ZSWIM1: variants seen among roughly 807,000 people sequenced by gnomAD.
ZSWIM1 encodes zinc finger SWIM-type containing 1, also known as zinc finger SWIM domain-containing protein 1.
ZSWIM1 carries 22 observed loss-of-function variants against 29.3 expected under a neutral mutation model. That is an observed-to-expected ratio of 0.75 (90% CI 0.54 to 1.07). The LOEUF (loss-of-function observed/expected upper bound fraction) is 1.07, where lower values mean the gene tolerates loss of function less well. Among genes scored for constraint, ZSWIM1 ranks in the 50% least tolerant of loss-of-function variants. The pLI, the probability that ZSWIM1 is intolerant of heterozygous loss-of-function variation, is 0.00. For synonymous variants in ZSWIM1, 228 were observed against 240.8 expected, an observed-to-expected ratio of 0.95 and a Z score of 0.49; for missense variants, 511 against 596.2, an observed-to-expected ratio of 0.86 and a Z score of 1.49.
Position 45,883,549 on chromosome 20 carries a change from G to A in ZSWIM1, c.957G>A (p.Glu319=), listed in dbSNP as rs1986365281. The A allele has an allele frequency of 1.9e-6, 3 of 1,614,134 alleles. No individual in the cohort carries two copies. The highest frequency in any genetic ancestry group is 1.3e-5 in the African/African-American group (1 of 74,952). Residue 319 remains glutamate, a synonymous_variant, in exon 2 of 2, where the codon GAG becomes GAA. Transcript: ENST00000372523. ...SDTIPESPKL[E]QLVESHIQHS... ...CCATCCCCGAAAGCCCCAAACTGGA[G>A]CAGCTGGTAGAATCCCACATCCAGC...
rs1986404316 is a variant in ZSWIM1, at chr20:45,884,154, TG to T, written c.*105del. 1.6e-5 allele frequency: 5 copies of T among 314,406 alleles called. No individual in the cohort carries two copies. Among genetic ancestry groups the T allele is most frequent in the Non-Finnish European group, 2.6e-5 (5 of 194,818 alleles). 19.5% of individuals were successfully genotyped at this position (314,406 alleles called of 1,614,324 possible). A position where few individuals can be genotyped will look rare whatever the true frequency, so the allele number is the denominator to read the frequency against. On this transcript the variant is annotated 3_prime_UTR_variant, in exon 2 of 2. Coordinates refer to ENST00000372523, the MANE Select transcript of ZSWIM1 (RefSeq NM_080603.5). ...CACACACACACACACTCCCTTACAC[TG>T]TTGTACTTCCGTGGGCCCTCCTTCC...
chr20:45,881,647 G>A lies in ZSWIM1; in HGVS notation c.-61+386G>A, dbSNP rs563919355. Among the ~76,000 whole-genome samples, 125 of 152,288 alleles carry A rather than the reference G, an allele frequency of 8.2e-4. 1 individual carries two copies. Among genetic ancestry groups the A allele is most frequent in the African/African-American group, 2.5e-3 (103 of 41,556 alleles). On this transcript the variant is annotated intron_variant, in intron 1 of 1. Coordinates refer to ENST00000372523, the MANE Select transcript of ZSWIM1 (RefSeq NM_080603.5). ...GGAATAGAGTATTGCTGCTAAAAGA[G>A]GGATATAGTAGAGGCAGGAGAAGCT...
At position 45,883,857 on chromosome 20, in the gene ZSWIM1, C is replaced by T; in HGVS notation, c.1265C>T (p.Ala422Val). 5 of 1,613,730 alleles carry T rather than the reference C, an allele frequency of 3.1e-6. No individual in the cohort carries two copies. The highest frequency in any genetic ancestry group is 4.2e-6 in the Non-Finnish European group (5 of 1,180,028). Residue 422 changes from alanine to valine, a missense_variant, in exon 2 of 2, where the codon GCT becomes GTT. By Grantham distance (64) the Ala-to-Val change is moderately conservative. Coordinates refer to ENST00000372523, the MANE Select transcript of ZSWIM1 (RefSeq NM_080603.5). ...CCGGCTCAGTGGACGGCAGGCTGTG[C>T]TACCAGTCTAGACAGCATCCTGGGC... ...MLPAQWTAGC[A>V]TSLDSILGSK...
At position 45,883,276 on chromosome 20, in the gene ZSWIM1, G is replaced by T; in HGVS notation, c.684G>T (p.Glu228Asp). Residue 228 changes from glutamate (E) to aspartate (D), a missense_variant, in exon 2 of 2, where the codon GAG becomes GAT. Transcript: ENST00000372523. Reference sequence around the variant, plus strand: ...GCATCCCTCCAGCCAAGCTGCCCGAGCTTCACTCACACTGGCTGCTCAACG... The same window carrying T: ...GCATCCCTCCAGCCAAGCTGCCCGATCTTCACTCACACTGGCTGCTCAACG... ...SNCIPPAKLP[E>D]LHSHWLLNDR... 1.2e-6 allele frequency: 2 copies of T among 1,613,960 alleles called. No individual in the cohort carries two copies. The highest frequency in any genetic ancestry group is 1.7e-6 in the Non-Finnish European group (2 of 1,180,052).
chr20:45,881,851 T>G (rs1341473142), intron 1 of ZSWIM1, among the ~76,000 whole-genome samples: 2 of 152,108 alleles, frequency 1.3e-5, no homozygotes, highest in Non-Finnish European at 2.9e-5. Context: ...TATTTTTATT[T>G]TATTTTATTT....
rs1986306925 is a variant in ZSWIM1 at position 45,882,713 on chromosome 20, A to G, written c.121A>G (p.Lys41Glu). The change falls in exon 2 of 2, where the codon AAG becomes GAG. Residue 41 changes from lysine (K) to glutamate (E), a missense_variant. Coordinates refer to ENST00000372523, the MANE Select transcript of ZSWIM1 (RefSeq NM_080603.5). ...GACAATGCTGAATGGGCTCCTGATTAAGGACTCAAGCCCACCTATGCTGCT... is the reference window on the plus strand; with the variant it reads ...GACAATGCTGAATGGGCTCCTGATTGAGGACTCAAGCCCACCTATGCTGCT... ...ALTMLNGLLIKDSSPPMLLHQ... is the reference protein window; with the variant it reads ...ALTMLNGLLIEDSSPPMLLHQ... 6 of 1,614,136 alleles carry G rather than the reference A, an allele frequency of 3.7e-6. No individual in the cohort carries two copies. The highest frequency in any genetic ancestry group is 4.2e-6 in the Non-Finnish European group (5 of 1,180,056).
In ZSWIM1 at chr20:45,882,914, C is replaced by T. The variant is rs145184244; in HGVS notation, c.322C>T (p.Leu108Phe). The change falls in exon 2 of 2, where the codon CTT becomes TTT. Residue 108 changes from leucine (L) to phenylalanine (F), a missense_variant. By Grantham distance (22) the Leu-to-Phe change is conservative. Transcript: ENST00000372523. ...ACCTCGGGTGCAGCTGGAGGGTCAT[C>T]TTGCCCGAGCAGTCTACTTTGCCAT... ...DGPRVQLEGH[L>F]ARAVYFAIPA... The T allele has an allele frequency of 1.5e-5, 25 of 1,614,074 alleles. No individual in the cohort carries two copies. In the South Asian group the frequency reaches 2.6e-4, roughly 17 times the overall value.
At chr20:45,881,392 C>T (rs1414018837) in intron 1 of ZSWIM1, 131 bp downstream of exon 1, 2 of 152,224 alleles carry the variant, frequency 1.3e-5, no homozygotes, top group African/African-American at 4.8e-5. Context: ...GAATGTCAGA[C>T]ATCCACATCT....
Position 45,882,842 on chromosome 20 carries a change from A to G in ZSWIM1, c.250A>G (p.Thr84Ala), listed in dbSNP as rs1424741798. 1 of 1,614,042 alleles carries G rather than the reference A, an allele frequency of 6.2e-7. No individual in the cohort carries two copies. Among genetic ancestry groups the G allele is most frequent in the African/African-American group, 1.3e-5 (1 of 74,912 alleles). Residue 84 changes from threonine to alanine, a missense_variant, in exon 2 of 2, where the codon ACC becomes GCC. Coordinates refer to ENST00000372523, the MANE Select transcript of ZSWIM1 (RefSeq NM_080603.5). ...HFPEILFIHR[T>A]YNPRGKVLYT... ...CCCTGAGATCTTATTTATCCACCGG[A>G]CCTATAACCCAAGGGGTAAGGTCTT...
At position 45,884,264 on chromosome 20, in the gene ZSWIM1, C is replaced by A. The variant is rs2145801797; in HGVS notation, c.*214C>A. 2 of 554,382 alleles carry A rather than the reference C, an allele frequency of 3.6e-6. No individual in the cohort carries two copies. The highest frequency in any genetic ancestry group is 6.1e-5 in the East Asian group (2 of 32,536). 34.3% of individuals were successfully genotyped at this position (554,382 alleles called of 1,614,324 possible). A position where few individuals can be genotyped will look rare whatever the true frequency, so the allele number is the denominator to read the frequency against. On this transcript the variant is annotated 3_prime_UTR_variant, in exon 2 of 2. Transcript: ENST00000372523. ...CTAGCATGTGTCTAGCTCAATGAGA[C>A]AGGAGTCAGCAAATCTTAATCTGTT...
chr20:45,883,355 T>A lies in ZSWIM1; in HGVS notation c.763T>A (p.Phe255Ile), dbSNP rs770185260. Reference sequence around the variant, plus strand: ...AAGCCGAGCTGAGAGCAGCCACTACTTCCAGAGCCTCGAGGTCACCACCCA... The same window carrying A: ...AAGCCGAGCTGAGAGCAGCCACTACATCCAGAGCCTCGAGGTCACCACCCA... ...WRSRAESSHY[F>I]QSLEVTTHIL... is the part of the protein sequence containing the mutation. Residue 255 changes from phenylalanine to isoleucine, a missense_variant, in exon 2 of 2, where the codon TTC becomes ATC. Physicochemically the swap from Phe to Ile is conservative, Grantham distance 21. Coordinates refer to ENST00000372523, the MANE Select transcript of ZSWIM1 (RefSeq NM_080603.5). 2 of 1,614,234 alleles carry A rather than the reference T, an allele frequency of 1.2e-6. No homozygotes were observed. The highest frequency in any genetic ancestry group is 1.7e-6 in the Non-Finnish European group (2 of 1,180,048).
In ZSWIM1 at chr20:45,883,895, G is replaced by A. The variant is rs1715218014; in HGVS notation, c.1303G>A (p.Glu435Lys). The A allele has an allele frequency of 6.2e-7, 1 of 1,614,072 alleles. No individual in the cohort carries two copies. The highest frequency in any genetic ancestry group is 8.5e-7 in the Non-Finnish European group (1 of 1,180,032). Residue 435 changes from glutamate to lysine, a missense_variant, in exon 2 of 2, where the codon GAG (glutamate) becomes AAG (lysine). Glu to Lys is a moderately conservative substitution (Grantham distance 56, BLOSUM62 1). Coordinates refer to ENST00000372523, the MANE Select transcript of ZSWIM1 (RefSeq NM_080603.5). Reference sequence around the variant, plus strand: ...CAGCATCCTGGGCAGCAAGTGGAGTGAGACCCTGGATAAGCACCTGGCAGT... The same window carrying A: ...CAGCATCCTGGGCAGCAAGTGGAGTAAGACCCTGGATAAGCACCTGGCAGT... ...LDSILGSKWS[E>K]TLDKHLAVTH...
rs1162451298 is a variant in ZSWIM1, at chr20:45,882,744, A to G, written c.152A>G (p.Gln51Arg). 6.2e-7 allele frequency: 1 copy of G among 1,614,256 alleles called. No individual in the cohort carries two copies. The highest frequency in any genetic ancestry group is 1.7e-5 in the Admixed American group (1 of 60,022). Residue 51 changes from glutamine (Q) to arginine (R), a missense_variant, in exon 2 of 2, where the codon CAG becomes CGG. By Grantham distance (43) the Gln-to-Arg change is conservative. Transcript: ENST00000372523. ...TCAAGCCCACCTATGCTGCTGCACCAGGTTAACAAGACTGCCCAGTTAGAT... is the reference window on the plus strand; with the variant it reads ...TCAAGCCCACCTATGCTGCTGCACCGGGTTAACAAGACTGCCCAGTTAGAT... ...KDSSPPMLLH[Q>R]VNKTAQLDTF...
chr20:45,881,479 C>A (rs1986260101), intron 1 of ZSWIM1, among the ~76,000 whole-genome samples: 1 of 152,200 alleles, frequency 6.6e-6, no homozygotes, highest in Admixed American at 6.5e-5. Flanking sequence ...CTGTGGACAG[C>A]AGTCAGGATC....
Position 45,883,330 on chromosome 20 carries a change from A to C in ZSWIM1, c.738A>C (p.Arg246Ser), listed in dbSNP as rs1986350846. 1 of 1,614,066 alleles carries C rather than the reference A, an allele frequency of 6.2e-7. No homozygotes were observed. Among genetic ancestry groups the C allele is most frequent in the Admixed American group, 1.7e-5 (1 of 59,996 alleles). Residue 246 changes from arginine to serine, a missense_variant, in exon 2 of 2, where the codon AGA (arginine) becomes AGC (serine). Physicochemically the swap from Arg to Ser is moderately radical, Grantham distance 110. Transcript: ENST00000372523. ...GCATCTGGCTGGCTCACCGCTGGAGAAGCCGAGCTGAGAGCAGCCACTACT... is the reference window on the plus strand; with the variant it reads ...GCATCTGGCTGGCTCACCGCTGGAGCAGCCGAGCTGAGAGCAGCCACTACT... Reference protein sequence around the residue: ...NDRIWLAHRWRSRAESSHYFQ... With the variant: ...NDRIWLAHRWSSRAESSHYFQ...
In ZSWIM1 at chr20:45,884,050, A is replaced by AT. The variant is rs765419065; in HGVS notation, c.*2dup. On this transcript the variant is annotated 3_prime_UTR_variant, in exon 2 of 2. Transcript: ENST00000372523. ...GGCCTTATGAGCAGGTCCAACTCTG[A>AT]TTATTCTCGATGCCCAGAGATGCTC... is the stretch of plus-strand genomic sequence containing the variant. 5.0e-6 allele frequency: 8 copies of AT among 1,604,316 alleles called. No individual in the cohort carries two copies. Among genetic ancestry groups the AT allele is most frequent in the Non-Finnish European group, 6.8e-6 (8 of 1,173,334 alleles).
chr20:45,882,868 A>G lies in ZSWIM1; in HGVS notation c.276A>G (p.Leu92=), dbSNP rs371463946. ...CCTATAACCCAAGGGGTAAGGTCTT[A>G]TATACCTTCCTGGTGGATGGACCTC... ...HRTYNPRGKV[L]YTFLVDGPRV... Residue 92 remains leucine (L), a synonymous_variant, in exon 2 of 2, where the codon TTA becomes TTG. Coordinates refer to ENST00000372523, the MANE Select transcript of ZSWIM1 (RefSeq NM_080603.5). 17 of 1,614,116 alleles carry G rather than the reference A, an allele frequency of 1.1e-5. 1 individual carries two copies. Among genetic ancestry groups the G allele is most frequent in the Middle Eastern group, 3.3e-4 (2 of 6,084 alleles).
At chr20:45,881,004 G>A (rs1400810939), upstream of ZSWIM1, among the ~76,000 whole-genome samples, 1 of 152,182 alleles carries the variant, frequency 6.6e-6, no homozygotes. Flanking sequence ...GGGAAGCCCC[G>A]GAGCTCCAGC....
At chr20:45,881,151 A>T (rs1037951282), upstream of ZSWIM1, 1 of 152,376 alleles carries the variant, frequency 6.6e-6, no homozygotes, top group African/African-American at 2.4e-5. Context: ...AATTCCTCAG[A>T]CATTGGTCCG....
Sources: allele counts gnomAD v4.1 joint callset (sites outside exome capture counted in the v4.1 genomes callset), GRCh38; gene constraint gnomAD v4.1.1; transcripts MANE v1.5; gene names NCBI Gene and HGNC (gene_info 2026-07-23, HGNC 2026-07-21).